The following ZNF717 variants were observed in gnomAD, a reference collection of about 807,000 sequenced individuals.
The protein encoded by ZNF717 is krueppel-like factor X17.
ZNF717 carries 9 observed loss-of-function variants against 13.8 expected under a neutral mutation model. That is an observed-to-expected ratio of 0.65 (90% CI 0.39 to 1.14). The LOEUF is 1.14. Among genes scored for constraint, ZNF717 ranks in the 50% most tolerant of loss-of-function variants. The pLI is 0.01. For missense variants in ZNF717, 1,040 were observed against 1,080.7 expected, an observed-to-expected ratio of 0.96 and a Z score of 0.53; for synonymous variants, 327 against 364.1, an observed-to-expected ratio of 0.90 and a Z score of 1.16.
At chr3:75,781,984 A>C (rs1944858607) in intron 2 of ZNF717, among the ~76,000 whole-genome samples, 1 of 152,148 alleles carries the variant, frequency 6.6e-6, no homozygotes, top group African/African-American at 2.4e-5. Flanking sequence ...AAACCAAAGT[A>C]TAAAAGAAAA....
At chr3:75,710,052 G>T (rs1433885590) in exon 6 of ZNF717, 3 of 152,100 alleles carry the variant, frequency 2.0e-5, no homozygotes, top group African/African-American at 7.2e-5. Context: ...TCATTATTAA[G>T]TTCGATTTTG....
rs1340145735 is a variant in ZNF717, at chr3:75,781,910, T to C, written c.57+1396A>G. Among the ~76,000 whole-genome samples the C allele has an allele frequency of 4.6e-5, 7 of 152,310 alleles. No homozygotes were observed. In the East Asian group the frequency reaches 7.7e-4, roughly 17 times the overall value. On this transcript the variant is annotated intron_variant, in intron 2 of 4. Coordinates refer to ENST00000652011, the MANE Select transcript of ZNF717 (RefSeq NM_001290208.3). ...GTTTTCCTGTAACCATCTGTCGTTTTAACTTTTTTGTCTGTTTTTTCTTCT... is the reference window on the plus strand; with the variant it reads ...GTTTTCCTGTAACCATCTGTCGTTTCAACTTTTTTGTCTGTTTTTTCTTCT...
chr3:75,732,100 A>G (rs1467975943), downstream of ZNF717: 13 of 702,940 alleles, frequency 1.8e-5, no homozygotes, highest in Non-Finnish European at 3.1e-5. Flanking sequence ...AATACCTGAG[A>G]AAACTTGCTT....
rs1462152941 is a variant in ZNF717, at chr3:75,737,484, G to C, written c.2139C>G (p.Ile713Met). ...TGATGCTTCTGAAGATTTGCCTTCT[G>C]ATGAAAGGATTTTCCACATTCATTA... ...MNVMNVENPFIRRQIFRSIKV... is the reference protein window; with the variant it reads ...MNVMNVENPFMRRQIFRSIKV... Residue 713 changes from isoleucine to methionine, a missense_variant, in exon 5 of 5, where the codon ATC (isoleucine) becomes ATG (methionine). Physicochemically the swap from Ile to Met is conservative, Grantham distance 10. Around this residue, in one of 3 missense-constraint regions of ZNF717, gnomAD observed 873 missense variants for 832.8 expected, o/e 1.05. Coordinates refer to ENST00000652011, the MANE Select transcript of ZNF717 (RefSeq NM_001290208.3). 12 of 1,554,444 alleles carry C rather than the reference G, an allele frequency of 7.7e-6. No individual in the cohort carries two copies. The highest frequency in any genetic ancestry group is 9.6e-6 in the Non-Finnish European group (11 of 1,148,702).
chr3:75,700,989 A>G (rs1166406126), intron 6 of ZNF717, among the ~76,000 whole-genome samples: 1 of 152,424 alleles, frequency 6.6e-6, no homozygotes, highest in African/African-American at 2.4e-5. Flanking sequence ...AACAATAAAC[A>G]AAGTGAAGAG....
chr3:75,752,948 A>C lies in ZNF717; in HGVS notation c.58-11212T>G, dbSNP rs1942036307. Among the ~76,000 whole-genome samples the C allele has an allele frequency of 3.3e-5, 5 of 151,482 alleles. 1 individual carries two copies. The South Asian group carries it at 1.0e-3, about 32-fold the overall frequency. ...AAGTTTGTCCCTCACATAGGATTCCAGAACACTGCTGCCATGGTCTGAATG... is the reference window on the plus strand; with the variant it reads ...AAGTTTGTCCCTCACATAGGATTCCCGAACACTGCTGCCATGGTCTGAATG... On this transcript the variant is annotated intron_variant, in intron 2 of 4. Coordinates refer to ENST00000652011, the MANE Select transcript of ZNF717 (RefSeq NM_001290208.3).
chr3:75,699,726 AT>A (rs1311382887), intron 6 of ZNF717, among the ~76,000 whole-genome samples: 2 of 152,254 alleles, frequency 1.3e-5, no homozygotes, highest in East Asian at 1.9e-4. Flanking sequence ...GTCACTGATT[AT>A]TTTTTATAGC....
chr3:75,780,967 G>A (rs1369673715), intron 2 of ZNF717, among the ~76,000 whole-genome samples: 1 of 152,256 alleles, frequency 6.6e-6, no homozygotes. Flanking sequence ...CTATTTCCCA[G>A]TGGGTTTCTA....
intron 2 of ZNF717, among the ~76,000 whole-genome samples, chr3:75,754,938 A>T (rs1942339392): frequency 6.6e-6 from 1 of 152,222 alleles, no homozygotes; most frequent in Non-Finnish European, 1.5e-5. Context: ...CTCTGAAAGA[A>T]ACCAGAGGTG....
intron 4 of ZNF717, among the ~76,000 whole-genome samples, chr3:75,723,516 TTAA>T (rs1938211721): frequency 6.6e-6 from 1 of 152,274 alleles, no homozygotes; most frequent in South Asian, 2.1e-4. Context: ...TATGTGAATA[TTAA>T]TAATCATTAG....
intron 4 of ZNF717, among the ~76,000 whole-genome samples, chr3:75,740,475 C>G (rs1457070567): frequency 6.6e-6 from 1 of 151,970 alleles, no homozygotes. Context: ...TCATAGCTCA[C>G]TGAAGCTTGA....
intron 6 of ZNF717, among the ~76,000 whole-genome samples, chr3:75,700,008 A>G (rs1937653779): frequency 6.6e-6 from 1 of 152,312 alleles, no homozygotes; most frequent in African/African-American, 2.4e-5. Context: ...CAAAAATTGG[A>G]AAGATATTTT....
At chr3:75,769,108 A>C (rs1309228863) in intron 2 of ZNF717, among the ~76,000 whole-genome samples, 1 of 152,196 alleles carries the variant, frequency 6.6e-6, no homozygotes, top group East Asian at 1.9e-4. Context: ...GGGGGAATCT[A>C]ATCACCTTCC....
downstream of ZNF717, among the ~76,000 whole-genome samples, chr3:75,733,600 A>C (rs1938788454): frequency 1.4e-5 from 1 of 73,272 alleles, no homozygotes; most frequent in Non-Finnish European, 2.6e-5. Context: ...AACACGGTGA[A>C]ACCCCATCTC....
At chr3:75,769,683 T>C (rs1271037467) in intron 2 of ZNF717, among the ~76,000 whole-genome samples, 1 of 152,222 alleles carries the variant, frequency 6.6e-6, no homozygotes, top group Non-Finnish European at 1.5e-5. Context: ...AAGCTAAAAC[T>C]ACAATTGCCT....
intron 2 of ZNF717, among the ~76,000 whole-genome samples, chr3:75,773,046 G>A (rs1575958310): frequency 6.6e-6 from 1 of 152,206 alleles, no homozygotes; most frequent in Non-Finnish European, 1.5e-5. Flanking sequence ...CTTGAATCCA[G>A]TTCCAGTTAG....
At chr3:75,731,859 G>A (rs1327414903), downstream of ZNF717, among the ~76,000 whole-genome samples, 1 of 152,266 alleles carries the variant, frequency 6.6e-6, no homozygotes, top group African/African-American at 2.4e-5. Flanking sequence ...CCCAAGATTG[G>A]AGAGATAGAG....
chr3:75,735,635 TAAAAAAAAA>T (rs149366090), downstream of ZNF717, among the ~76,000 whole-genome samples: 1 of 79,844 alleles, frequency 1.3e-5, no homozygotes, highest in Admixed American at 1.3e-4. Context: ...ACTGTCTCAA[TAAAAAAAAA>T]AAAAAAAAAA....
intron 5 of ZNF717, among the ~76,000 whole-genome samples, chr3:75,713,376 C>A (rs1464818423): frequency 6.6e-6 from 1 of 152,010 alleles, no homozygotes; most frequent in African/African-American, 2.4e-5. Context: ...GTCTCAAACT[C>A]CTGGGCTCAA....
Sources: gnomAD v4.1 joint callset for allele counts (sites outside exome capture counted in the v4.1 genomes callset) on GRCh38, gnomAD v4.1.1 for gene constraint, gnomAD v4.1.1 regional missense constraint, MANE v1.5 for transcripts, NCBI Gene and HGNC (gene_info 2026-07-23, HGNC 2026-07-21) for gene names.